KBTBD4: variants seen among roughly 807,000 people sequenced by gnomAD.
The protein encoded by KBTBD4 is kelch repeat and BTB domain-containing protein 4.
KBTBD4 carries 30 observed loss-of-function variants against 43.9 expected under a neutral mutation model. The ratio of observed to expected loss-of-function variants is 0.68; its 90% confidence interval spans 0.51 to 0.93. KBTBD4 has a LOEUF of 0.93. Among genes scored for constraint, KBTBD4 ranks in the 40% least tolerant of loss-of-function variants. KBTBD4 has a pLI of 0.00. For missense variants in KBTBD4, 575 were observed against 668.8 expected, an observed-to-expected ratio of 0.86 and a Z score of 1.55; for synonymous variants, 258 against 256.9, an observed-to-expected ratio of 1.00 and a Z score of -0.04.
intron 2 of KBTBD4, chr11:47,576,527 C>T (rs979876324): frequency 6.6e-6 from 1 of 152,062 alleles, no homozygotes; most frequent in Non-Finnish European, 1.5e-5. Context: ...AACCGTTCCT[C>T]TCCATGGAAA....
chr11:47,577,705 G>C lies in KBTBD4; in HGVS notation c.343C>G (p.Leu115Val), dbSNP rs2097262613. The C allele has an allele frequency of 6.2e-7, 1 of 1,614,154 alleles. No individual in the cohort carries two copies. Among genetic ancestry groups the C allele is most frequent in the Admixed American group, 1.7e-5 (1 of 60,012 alleles). ...GTCCCATGGTAGATATAATCAACCA[G>C]GAGCTGGAAAACAGACTCGCTGACA... Reference protein sequence around the residue: ...QDVSESVFQLLVDYIYHGTVK... With the variant: ...QDVSESVFQLVVDYIYHGTVK... Residue 115 changes from leucine to valine, a missense_variant, in exon 2 of 4, where the codon CTG (leucine) becomes GTG (valine). By Grantham distance (32) the Leu-to-Val change is conservative (BLOSUM62 1). Transcript: ENST00000430070.
intron 3 of KBTBD4, among the ~76,000 whole-genome samples, chr11:47,575,154 G>A (rs1033774504): frequency 2.0e-5 from 3 of 150,336 alleles, no homozygotes; most frequent in East Asian, 2.0e-4. Context: ...AGGTTGCAGC[G>A]AGCTGAGATT....
In KBTBD4 at chr11:47,577,652, C is replaced by T. The variant is rs1166137314; in HGVS notation, c.396G>A (p.Gln132=). ...GTVKLRAEEL[Q]EIYEVSDMYQ... is the part of the protein sequence containing the mutation. Reference sequence around the variant, plus strand: ...ACATGTCTGACACCTCATAAATTTCCTGCAACTCCTCAGCTCGAAGTTTCA... The same window carrying T: ...ACATGTCTGACACCTCATAAATTTCTTGCAACTCCTCAGCTCGAAGTTTCA... Residue 132 remains glutamine, a synonymous_variant, in exon 2 of 4, where the codon CAG becomes CAA. Coordinates refer to ENST00000430070, the MANE Select transcript of KBTBD4 (RefSeq NM_018095.6). 2.5e-6 allele frequency: 4 copies of T among 1,614,078 alleles called. No individual in the cohort carries two copies. Among genetic ancestry groups the T allele is most frequent in the African/African-American group, 1.3e-5 (1 of 74,922 alleles).
In KBTBD4 at chr11:47,573,074, G is replaced by A. The variant is rs942278259; in HGVS notation, c.1461C>T (p.Ser487=). Residue 487 remains serine, a synonymous_variant, in exon 4 of 4, where the codon AGC becomes AGT. Transcript: ENST00000430070. The surrounding 1 kb of genome is among the most constrained non-coding windows in gnomAD (Gnocchi z 4.1). Reference sequence around the variant, plus strand: ...GGAAGACATAGATGCTCCCGTTACAGCTGGCAATCTTCCAGAGGGATGGGG... The same window carrying A: ...GGAAGACATAGATGCTCCCGTTACAACTGGCAATCTTCCAGAGGGATGGGG... ...SSAPSLWKIA[S]CNGSIYVFRD... 2 of 1,614,198 alleles carry A rather than the reference G, an allele frequency of 1.2e-6. No homozygotes were observed. Among genetic ancestry groups the A allele is most frequent in the South Asian group, 1.1e-5 (1 of 91,084 alleles).
chr11:47,576,922 C>A (rs2097260717), intron 2 of KBTBD4, among the ~76,000 whole-genome samples: 1 of 152,068 alleles, frequency 6.6e-6, no homozygotes, highest in Non-Finnish European at 1.5e-5. Flanking sequence ...GGTGATCCAC[C>A]CACCTCGGCC....
Position 47,577,651 on chromosome 11 carries a change from C to T in KBTBD4, c.397G>A (p.Glu133Lys). The change falls in exon 2 of 4, where the codon GAA (glutamate) becomes AAA (lysine). Residue 133 changes from glutamate to lysine, a missense_variant. Transcript: ENST00000430070. ...TVKLRAEELQ[E>K]IYEVSDMYQL... ...TACATGTCTGACACCTCATAAATTT[C>T]CTGCAACTCCTCAGCTCGAAGTTTC... The T allele has an allele frequency of 6.2e-7, 1 of 1,614,178 alleles. No individual in the cohort carries two copies. The highest frequency in any genetic ancestry group is 8.5e-7 in the Non-Finnish European group (1 of 1,180,034).
chr11:47,578,818 C>G, intron 1 of KBTBD4, 115 bp downstream of exon 1: 11 of 1,540,854 alleles, frequency 7.1e-6, no homozygotes, highest in Non-Finnish European at 8.8e-6. Context: ...GCCCCCTCCC[C>G]TCCTCTCACC....
At position 47,573,889 on chromosome 11, in the gene KBTBD4, T is replaced by A; in HGVS notation, c.745-99A>T. On this transcript the variant is annotated intron_variant, in intron 3 of 3. Coordinates refer to ENST00000430070, the MANE Select transcript of KBTBD4 (RefSeq NM_018095.6). The surrounding 1 kb of genome is among the most constrained non-coding windows in gnomAD (Gnocchi z 4.1). ...AGATCCTGGCCCTCACACTTGTTCC[T>A]AGCTTTATCATACTACTCTCTAATT... 2 of 1,113,138 alleles carry A rather than the reference T, an allele frequency of 1.8e-6. No homozygotes were observed. Among genetic ancestry groups the A allele is most frequent in the Non-Finnish European group, 2.6e-6 (2 of 779,954 alleles). 69.0% of individuals were successfully genotyped at this position (1,113,138 alleles called of 1,614,324 possible).
Position 47,576,158 on chromosome 11 carries a change from C to CT in KBTBD4, c.638-460dup, listed in dbSNP as rs11345162. Among the ~76,000 whole-genome samples, 171 of 49,132 alleles carry CT rather than the reference C, an allele frequency of 3.5e-3. 8 individuals are homozygous for CT. Among genetic ancestry groups the CT allele is most frequent in the South Asian group, 7.4e-3 (7 of 944 alleles). The allele number at this position is 49,132 out of a possible 152,430, so 32.2% of individuals were successfully genotyped here. On this transcript the variant is annotated intron_variant, in intron 2 of 3. Transcript: ENST00000430070. ...GAGCCACCATGCCTGGCGGGTCTTG[C>CT]TTTTTTTTTTTTTTTTTTTTTTTTT...
In KBTBD4 at chr11:47,575,279, C is replaced by T. The variant is rs184793323; in HGVS notation, c.744+314G>A. ...ATCCCAGCACTTTGGGAGGCGGAGGCGGGCGGATCACGAGGTCAGGAGATC... is the reference window on the plus strand; with the variant it reads ...ATCCCAGCACTTTGGGAGGCGGAGGTGGGCGGATCACGAGGTCAGGAGATC... On this transcript the variant is annotated intron_variant, in intron 3 of 3. Transcript: ENST00000430070. Among the ~76,000 whole-genome samples the T allele has an allele frequency of 4.4e-3, 660 of 150,716 alleles. 2 individuals are homozygous for T. Among genetic ancestry groups the T allele is most frequent in the African/African-American group, 0.015 (604 of 40,978 alleles).
In KBTBD4 at chr11:47,577,678, C is replaced by A; in HGVS notation, c.370G>T (p.Val124Leu). 1 of 1,614,226 alleles carries A rather than the reference C, an allele frequency of 6.2e-7. No homozygotes were observed. Among genetic ancestry groups the A allele is most frequent in the Non-Finnish European group, 8.5e-7 (1 of 1,180,034 alleles). The change falls in exon 2 of 4, where the codon GTG becomes TTG. Residue 124 changes from valine (V) to leucine (L), a missense_variant. Physicochemically the swap from Val to Leu is conservative, Grantham distance 32. Coordinates refer to ENST00000430070, the MANE Select transcript of KBTBD4 (RefSeq NM_018095.6). ...TGCAACTCCTCAGCTCGAAGTTTCA[C>A]AGTCCCATGGTAGATATAATCAACC... Reference protein sequence around the residue: ...LLVDYIYHGTVKLRAEELQEI... With the variant: ...LLVDYIYHGTLKLRAEELQEI...
rs2097251061 is a variant in KBTBD4 at position 47,572,587 on chromosome 11, T to C, written c.*343A>G. ...GTACAATTGGGCATCTTTCCTTATG[T>C]CCTGGGATCAGGGGTGCTTACATTT... On this transcript the variant is annotated 3_prime_UTR_variant, in exon 4 of 4. Transcript: ENST00000430070. The C allele has an allele frequency of 7.8e-6, 2 of 258,046 alleles. No homozygotes were observed. Among genetic ancestry groups the C allele is most frequent in the South Asian group, 1.9e-4 (2 of 10,646 alleles). The allele number at this position is 258,046 out of a possible 1,614,324, so 16.0% of individuals were successfully genotyped here. A position where few individuals can be genotyped will look rare whatever the true frequency, so the allele number is the denominator to read the frequency against.
At position 47,577,887 on chromosome 11, in the gene KBTBD4, C is replaced by T; in HGVS notation, c.161G>A (p.Cys54Tyr). Residue 54 changes from cysteine to tyrosine, a missense_variant, in exon 2 of 4, where the codon TGT becomes TAT. Coordinates refer to ENST00000430070, the MANE Select transcript of KBTBD4 (RefSeq NM_018095.6). Reference protein sequence around the residue: ...GRVAQGIMKLCLEEELFADVT... With the variant: ...GRVAQGIMKLYLEEELFADVT... ...ATCAGCAAAGAGCTCCTCCTCTAGA[C>T]ACAGTTTCATGATGCCTTGAGCCAC... 2 of 1,614,220 alleles carry T rather than the reference C, an allele frequency of 1.2e-6. No individual in the cohort carries two copies.
chr11:47,577,792 A>G lies in KBTBD4; in HGVS notation c.256T>C (p.Phe86Leu). 6.2e-7 allele frequency: 1 copy of G among 1,614,212 alleles called. No homozygotes were observed. The highest frequency in any genetic ancestry group is 8.5e-7 in the Non-Finnish European group (1 of 1,180,042). The change falls in exon 2 of 4, where the codon TTC becomes CTC. Residue 86 changes from phenylalanine to leucine, a missense_variant. Transcript: ENST00000430070. The stretch of plus-strand genomic sequence containing the variant: ...AGGTTGGAAGTGAACATGGATCGGA[A>G]GAAGCAGCTCTGAGCTGAGAGGACC... ...RLVLSAQSCFFRSMFTSNLKE... is the reference protein window; with the variant it reads ...RLVLSAQSCFLRSMFTSNLKE...
At position 47,573,767 on chromosome 11, in the gene KBTBD4, A is replaced by G. The variant is rs2097254278; in HGVS notation, c.768T>C (p.Ile256=). ...SLKEIGENVH[I]YLIGKESSRT... ...GAGATGACTCTTTCCCAATCAGGTA[A>G]ATGTGCACATTCTCCCCAATTTCCT... Residue 256 remains isoleucine, a synonymous_variant, in exon 4 of 4, where the codon ATT becomes ATC. Transcript: ENST00000430070. This position sits in a 1 kb window ranked among gnomAD's most constrained non-coding sequence, Gnocchi z 4.1. 1 of 1,578,390 alleles carries G rather than the reference A, an allele frequency of 6.3e-7. No homozygotes were observed. The highest frequency in any genetic ancestry group is 8.6e-7 in the Non-Finnish European group (1 of 1,163,150).
intron 3 of KBTBD4, 52 bp downstream of exon 3, chr11:47,575,541 G>T: frequency 2.6e-6 from 3 of 1,163,712 alleles, no homozygotes; most frequent in South Asian, 1.3e-5. Flanking sequence ...TTAACTGATG[G>T]CAAGAATGCA....
In KBTBD4 at chr11:47,575,717, A is replaced by G; in HGVS notation, c.638-18T>C. 6.7e-7 allele frequency: 1 copy of G among 1,496,128 alleles called. No individual in the cohort carries two copies. Among genetic ancestry groups the G allele is most frequent in the Non-Finnish European group, 9.2e-7 (1 of 1,081,362 alleles). The allele number at this position is 1,496,128 out of a possible 1,614,324, so 92.7% of individuals were successfully genotyped here. On this transcript the variant is annotated intron_variant, in intron 2 of 3. Transcript: ENST00000430070. The stretch of plus-strand genomic sequence containing the variant: ...AACTCCATCTGTGAGAGCCAGAGGA[A>G]AGGCATGGTCAATGACAATCCGAAA...
chr11:47,576,979 C>T (rs892948798), intron 2 of KBTBD4, among the ~76,000 whole-genome samples: 2 of 152,118 alleles, frequency 1.3e-5, no homozygotes, highest in Non-Finnish European at 2.9e-5. Flanking sequence ...GCCTGGCCAA[C>T]CTCACACCTT....
At position 47,573,639 on chromosome 11, in the gene KBTBD4, T is replaced by C; in HGVS notation, c.896A>G (p.His299Arg). 1 of 1,614,042 alleles carries C rather than the reference T, an allele frequency of 6.2e-7. No individual in the cohort carries two copies. The highest frequency in any genetic ancestry group is 8.5e-7 in the Non-Finnish European group (1 of 1,180,036). Residue 299 changes from histidine to arginine, a missense_variant, in exon 4 of 4, where the codon CAT becomes CGT. Coordinates refer to ENST00000430070, the MANE Select transcript of KBTBD4 (RefSeq NM_018095.6). This position sits in a 1 kb window ranked among gnomAD's most constrained non-coding sequence, Gnocchi z 4.1. Reference protein sequence around the residue: ...LCHQITAACKHGGDLYVVGGS... With the variant: ...LCHQITAACKRGGDLYVVGGS... ...TCCCACCACATACAAGTCTCCACCA[T>C]GCTTGCAGGCCGCAGTGATCTGGTG... is the stretch of plus-strand genomic sequence containing the variant.
Sources: allele counts gnomAD v4.1 joint callset (sites outside exome capture counted in the v4.1 genomes callset), GRCh38; gene constraint gnomAD v4.1.1; non-coding constraint Gnocchi (gnomAD v3.1); transcripts MANE v1.5; gene names NCBI Gene and HGNC (gene_info 2026-07-23, HGNC 2026-07-21).